The following PLEKHG1 variants were observed in gnomAD, a reference collection of about 807,000 sequenced individuals.
PLEKHG1 encodes pleckstrin homology and RhoGEF domain containing G1, also known as pleckstrin homology domain-containing family G member 1.
In PLEKHG1, 44 loss-of-function variants were observed where a neutral mutation model predicts 100.8. The ratio of observed to expected loss-of-function variants is 0.44; its 90% CI spans 0.34 to 0.56. The LOEUF is 0.56. PLEKHG1 is among the 20% of genes least tolerant of loss of function. The pLI is 0.01. For synonymous variants in PLEKHG1, 640 were observed against 662.5 expected, an observed-to-expected ratio of 0.97 and a Z score of 0.52; for missense variants, 1,545 against 1,720.9, an observed-to-expected ratio of 0.90 and a Z score of 1.81.
At chr6:150,686,113 C>A (rs748560833) in intron 3 of PLEKHG1, among the ~76,000 whole-genome samples, 1 of 152,348 alleles carries the variant, frequency 6.6e-6, no homozygotes, top group East Asian at 1.9e-4. Flanking sequence ...AGGGGGCACA[C>A]GGGAGCAGTG....
At chr6:150,841,721 G>A (rs1358958009) in exon 16 of PLEKHG1, 1 of 152,196 alleles carries the variant, frequency 6.6e-6, no homozygotes, top group African/African-American at 2.4e-5. Context: ...AATGACTGTT[G>A]AAAGAGAAAA....
chr6:150,791,676 G>GAAAAAAAAAAAAAAAAAAAAA (rs34212457), intron 4 of PLEKHG1, among the ~76,000 whole-genome samples: 1 of 103,794 alleles, frequency 9.6e-6, no homozygotes, highest in Non-Finnish European at 2.1e-5. Context: ...TCTCAAAAAA[G>GAAAAAAAAAAAAAAAAAAAAA]AAAAAAAAAA....
intron 2 of PLEKHG1, among the ~76,000 whole-genome samples, chr6:150,762,457 A>G (rs9371469): frequency 0.36 from 55,201 of 151,458 alleles, 12,330 homozygotes; most frequent in African/African-American, 0.61. Context: ...CCTCGGCCTC[A>G]GAAAGTACTG....
chr6:150,638,972 G>C (rs904112990), intron 2 of PLEKHG1, among the ~76,000 whole-genome samples: 23 of 152,110 alleles, frequency 1.5e-4, no homozygotes, highest in African/African-American at 4.1e-4. Context: ...AAACATCATT[G>C]AATACCATTC....
intron 3 of PLEKHG1, among the ~76,000 whole-genome samples, chr6:150,708,339 C>G (rs1781106293): frequency 6.6e-6 from 1 of 152,190 alleles, no homozygotes; most frequent in African/African-American, 2.4e-5. Flanking sequence ...TTCCCCTTCT[C>G]TCTCCCAGGG....
In PLEKHG1 at chr6:150,733,206, C is replaced by T. The variant is rs777316180; in HGVS notation, c.-98-378C>T. On this transcript the variant is annotated intron_variant, in intron 1 of 15. Transcript: ENST00000358517. ...AGTGATCAATTCCTGGTGCCCTGAC[C>T]GCTCAGCCTTTAATTTAGTGAATCT... is the stretch of plus-strand genomic sequence containing the variant. Among the ~76,000 whole-genome samples, 32 of 152,152 alleles carry T rather than the reference C, an allele frequency of 2.1e-4. 1 individual carries two copies. The highest frequency in any genetic ancestry group is 3.3e-4 in the Admixed American group (5 of 15,280).
chr6:150,797,987 A>T (rs6557097), intron 5 of PLEKHG1, among the ~76,000 whole-genome samples: 1 of 151,888 alleles, frequency 6.6e-6, no homozygotes, highest in South Asian at 2.1e-4. Context: ...AATAAATAGA[A>T]CCACATGCAT....
At chr6:150,650,050 C>T (rs1778659246) in intron 2 of PLEKHG1, among the ~76,000 whole-genome samples, 1 of 99,060 alleles carries the variant, frequency 1.0e-5, no homozygotes, top group South Asian at 3.9e-4. Flanking sequence ...GAGAGCAAAA[C>T]TTTGTCTCAA....
Position 150,830,616 on chromosome 6 carries a change from C to G in PLEKHG1, c.1505C>G (p.Ser502Ter). The G allele has an allele frequency of 1.2e-6, 2 of 1,609,692 alleles. No homozygotes were observed. Among genetic ancestry groups the G allele is most frequent in the Non-Finnish European group, 1.7e-6 (2 of 1,176,858 alleles). ...GAGGAAGGATCTCCCCAGCTGTCTT[C>G]AGCAAGGCCGTCTCCTGCCCAGAGA... Residue 502 changes from serine to a stop codon, truncating the protein, a stop_gained, in exon 15 of 16, where the codon TCA (serine) becomes TGA (stop). Coordinates refer to ENST00000358517, the Ensembl canonical transcript of PLEKHG1. LOFTEE classifies it high-confidence loss of function.
At chr6:150,613,698 C>T (rs1776945231) in intron 1 of PLEKHG1, among the ~76,000 whole-genome samples, 1 of 152,124 alleles carries the variant, frequency 6.6e-6, no homozygotes, top group African/African-American at 2.4e-5. Context: ...GTCCGCTCTC[C>T]AGCACTGTCC....
intron 1 of PLEKHG1, among the ~76,000 whole-genome samples, chr6:150,609,831 A>G (rs1008847113): frequency 2.0e-5 from 3 of 152,190 alleles, no homozygotes; most frequent in Non-Finnish European, 4.4e-5. Flanking sequence ...GTCGGCCAAG[A>G]CAAGGCAGCC....
At chr6:150,621,098 T>A (rs1026254053) in intron 1 of PLEKHG1, among the ~76,000 whole-genome samples, 7 of 152,178 alleles carry the variant, frequency 4.6e-5, no homozygotes, top group Non-Finnish European at 1.0e-4. Context: ...CACAAACTCC[T>A]GGAGTTGTTG....
chr6:150,600,642 G>A lies in PLEKHG1; in HGVS notation c.-204+625G>A, dbSNP rs896099736. Reference sequence around the variant, plus strand: ...CAAGAGCCTGTGGCTCTTCCGTCACGGGGTAAACGGTAACACCTGGGCGGC... The same window carrying A: ...CAAGAGCCTGTGGCTCTTCCGTCACAGGGTAAACGGTAACACCTGGGCGGC... On this transcript the variant is annotated intron_variant, in intron 1 of 3. Transcript: ENST00000367326. This position sits in a 1 kb window ranked among gnomAD's most constrained non-coding sequence, Gnocchi z 6.2. Among the ~76,000 whole-genome samples, 7 of 152,242 alleles carry A rather than the reference G, an allele frequency of 4.6e-5. No individual in the cohort carries two copies. The highest frequency in any genetic ancestry group is 8.8e-5 in the Non-Finnish European group (6 of 68,044).
chr6:150,702,234 G>A (rs1166512857), intron 3 of PLEKHG1, among the ~76,000 whole-genome samples: 1 of 152,206 alleles, frequency 6.6e-6, no homozygotes. Context: ...CACTTTGGGA[G>A]GCTGAGGCAG....
At chr6:150,793,404 TAAA>T (rs1342674557) in intron 4 of PLEKHG1, among the ~76,000 whole-genome samples, 1 of 152,026 alleles carries the variant, frequency 6.6e-6, no homozygotes, top group Non-Finnish European at 1.5e-5. Flanking sequence ...TGTCTTGAAA[TAAA>T]AAGGAAAGAA....
At chr6:150,696,871 G>A (rs2128596318) in intron 3 of PLEKHG1, among the ~76,000 whole-genome samples, 1 of 152,306 alleles carries the variant, frequency 6.6e-6, no homozygotes, top group East Asian at 1.9e-4. Flanking sequence ...ACTTTGGGAG[G>A]CCAAGGCAGG....
intron 4 of PLEKHG1, among the ~76,000 whole-genome samples, chr6:150,792,498 C>A (rs1189170454): frequency 6.6e-6 from 1 of 151,724 alleles, no homozygotes; most frequent in Non-Finnish European, 1.5e-5. Flanking sequence ...CATGGCTAAA[C>A]CCCATCTCTA....
At chr6:150,828,203 T>C (rs1776721638) in intron 14 of PLEKHG1, 1 of 1,613,750 alleles carries the variant, frequency 6.2e-7, no homozygotes, top group African/African-American at 1.3e-5. Context: ...AGTTTATTGG[T>C]CCTCTGAGTG....
At chr6:150,785,291 T>C (rs997563692) in intron 3 of PLEKHG1, among the ~76,000 whole-genome samples, 5 of 152,192 alleles carry the variant, frequency 3.3e-5, no homozygotes, top group Admixed American at 1.3e-4. Flanking sequence ...GTAGAACTAC[T>C]TCACTTTTTA....
Sources: allele counts gnomAD v4.1 joint callset (sites outside exome capture counted in the v4.1 genomes callset), GRCh38; gene constraint gnomAD v4.1.1; non-coding constraint Gnocchi (gnomAD v3.1); transcripts MANE v1.5; gene names NCBI Gene and HGNC (gene_info 2026-07-23, HGNC 2026-07-21).